Variants in GRB10 observed in about 807,000 individuals in gnomAD.
The protein encoded by GRB10 is growth factor receptor-bound protein 10.
In GRB10, 20 loss-of-function variants were observed where a neutral mutation model predicts 80.9. The observed-to-expected ratio is 0.25, with a 90% CI of 0.17 to 0.36. GRB10 has a LOEUF of 0.36. GRB10 is among the 10% of genes least tolerant of loss of function. The pLI, the probability that GRB10 is intolerant of heterozygous loss-of-function variation, is 1.00. For synonymous variants in GRB10, 291 were observed against 291.5 expected (o/e 1.00, Z 0.02); for missense variants, 548 against 747.7 (o/e 0.73, Z 3.12).
chr7:50,750,904 C>T lies in GRB10; in HGVS notation c.-47+4983G>A, dbSNP rs572113652. On this transcript the variant is annotated intron_variant, in intron 3 of 18. Coordinates refer to ENST00000401949, the MANE Select transcript of GRB10 (RefSeq NM_001350814.2). ...GGGCCCTTCCAAATCACAGCCTGGG[C>T]TGTCTGAGGACAGCTCTCCCAGGAA... 2.0e-5 allele frequency among the ~76,000 whole-genome samples: 3 copies of T among 152,332 alleles called. No homozygotes were observed. The South Asian group carries it at 6.2e-4, about 32-fold the overall frequency.
At chr7:50,793,404 G>C (rs1475438345) in exon 1 of GRB10, 1 of 148,466 alleles carries the variant, frequency 6.7e-6, no homozygotes, top group Admixed American at 6.7e-5. Context: ...CCGGGTCTCC[G>C]AGCGCCGAGC....
At chr7:50,612,926 C>G in intron 12 of GRB10, 87 bp from the exon 13 acceptor site, 1 of 809,794 alleles carries the variant, frequency 1.2e-6, no homozygotes, top group Non-Finnish European at 2.1e-6. Context: ...CTGACACAAA[C>G]CAGAGACAAC....
intron 5 of GRB10, among the ~76,000 whole-genome samples, 176 bp downstream of exon 5, chr7:50,703,645 A>G (rs1047518446): frequency 6.6e-6 from 1 of 152,252 alleles, no homozygotes; most frequent in Non-Finnish European, 1.5e-5. Context: ...ATACATGAAG[A>G]TATCAGAACC....
At position 50,669,731 on chromosome 7, in the gene GRB10, G is replaced by T; in HGVS notation, c.495C>A (p.Ala165=). The T allele has an allele frequency of 6.2e-7, 1 of 1,613,104 alleles. No homozygotes were observed. The highest frequency in any genetic ancestry group is 1.1e-5 in the South Asian group (1 of 91,052). ...CCAGGGGCACACTCACCTGCTTTGC[G>T]GCGGCCTGGCTCGGAGGTAAAGAAC... ...TPGSLPPSQA[A]AKQDVKVFSE... is the part of the protein sequence containing the mutation. The change falls in exon 7 of 19, where the codon GCC becomes GCA. Residue 165 remains alanine, a synonymous_variant. Transcript: ENST00000401949.
Position 50,732,365 on chromosome 7 carries a change from G to A in GRB10, c.-43C>T. The stretch of plus-strand genomic sequence containing the variant: ...TTCAAATTACATTTACTGCGCTGCA[G>A]CACCTGGAATAAAGACAGACTGTGA... On this transcript the variant is annotated 5_prime_UTR_variant, in exon 4 of 19. Coordinates refer to ENST00000401949, the MANE Select transcript of GRB10 (RefSeq NM_001350814.2). 6.4e-7 allele frequency: 1 copy of A among 1,557,062 alleles called. No homozygotes were observed.
intron 2 of GRB10, among the ~76,000 whole-genome samples, chr7:50,760,400 C>T (rs145165746): frequency 6.6e-6 from 1 of 152,202 alleles, no homozygotes; most frequent in East Asian, 1.9e-4. Context: ...CGCTAAGTTC[C>T]TAAATGGAAA....
chr7:50,720,325 G>A (rs2067513353), intron 4 of GRB10, among the ~76,000 whole-genome samples: 1 of 152,238 alleles, frequency 6.6e-6, no homozygotes, highest in South Asian at 2.1e-4. Context: ...GTTTCGCAGA[G>A]TCTGCTTGAA....
At chr7:50,688,700 GT>G (rs1422126248) in intron 5 of GRB10, among the ~76,000 whole-genome samples, 2 of 134,846 alleles carry the variant, frequency 1.5e-5, no homozygotes, top group Non-Finnish European at 3.1e-5. Context: ...TTCCCAGACT[GT>G]TTAAAAAAAA....
chr7:50,788,049 C>G (rs1198502997), intron 1 of GRB10, among the ~76,000 whole-genome samples: 1 of 151,990 alleles, frequency 6.6e-6, no homozygotes, highest in African/African-American at 2.4e-5. Flanking sequence ...GCACCAGGCA[C>G]TGTCCCTGGG....
intron 5 of GRB10, among the ~76,000 whole-genome samples, chr7:50,683,393 T>C (rs10248619): frequency 0.72 from 109,663 of 152,128 alleles, 40,598 homozygotes; most frequent in East Asian, 0.91. Context: ...GTGGTGAAGG[T>C]TGTGCAACCA....
At chr7:50,637,507 C>A (rs950396098) in intron 7 of GRB10, among the ~76,000 whole-genome samples, 1 of 151,916 alleles carries the variant, frequency 6.6e-6, no homozygotes, top group Non-Finnish European at 1.5e-5. Context: ...TGAAAGATTG[C>A]CACAAGGAAA....
At chr7:50,643,202 G>A (rs540066221) in intron 7 of GRB10, among the ~76,000 whole-genome samples, 1 of 152,280 alleles carries the variant, frequency 6.6e-6, no homozygotes, top group South Asian at 2.1e-4. Context: ...GACTGAGTAT[G>A]AGCGGATTAG....
chr7:50,742,620 G>GAA (rs1243130836), intron 3 of GRB10, among the ~76,000 whole-genome samples: 9 of 152,004 alleles, frequency 5.9e-5, no homozygotes, highest in Non-Finnish European at 1.2e-4. Context: ...TGATTCTACT[G>GAA]CTGACATAGT....
Position 50,760,223 on chromosome 7 carries a change from A to T in GRB10, c.-216-4167T>A, listed in dbSNP as rs117330631. On this transcript the variant is annotated intron_variant, in intron 2 of 18. Coordinates refer to ENST00000401949, the MANE Select transcript of GRB10 (RefSeq NM_001350814.2). Reference sequence around the variant, plus strand: ...AGGCAGGATAAATATACATGCACACATGCACAGAACAGCGACTGAGCAGAA... The same window carrying T: ...AGGCAGGATAAATATACATGCACACTTGCACAGAACAGCGACTGAGCAGAA... Among the ~76,000 whole-genome samples, 788 of 152,356 alleles carry T rather than the reference A, an allele frequency of 5.2e-3. 1 individual carries two copies. The highest frequency in any genetic ancestry group is 9.3e-3 in the Non-Finnish European group (635 of 68,038).
rs572680623 is a variant in GRB10 at position 50,646,644 on chromosome 7, G to A, written c.505-19666C>T. Among the ~76,000 whole-genome samples the A allele has an allele frequency of 7.4e-4, 113 of 152,222 alleles. 1 individual carries two copies. Among genetic ancestry groups the A allele is most frequent in the Middle Eastern group, 3.4e-3 (1 of 294 alleles). On this transcript the variant is annotated intron_variant, in intron 7 of 18. Transcript: ENST00000401949. ...AATCCTGTTTGTAGTGCTAGATTCC[G>A]CAAATTGTCACGCCCTGACTGAATG...
chr7:50,667,061 A>AG (rs11405386), intron 7 of GRB10, among the ~76,000 whole-genome samples: 3 of 150,182 alleles, frequency 2.0e-5, no homozygotes, highest in Non-Finnish European at 3.0e-5. Flanking sequence ...AAAAAAAAAA[A>AG]GGAGAGAGGC....
At chr7:50,779,102 TTAAG>T (rs1232049133) in intron 2 of GRB10, 3 of 152,208 alleles carry the variant, frequency 2.0e-5, no homozygotes, top group Non-Finnish European at 4.4e-5. Context: ...AATTCTTAGA[TTAAG>T]TAATAGCATT....
rs764230751 is a variant in GRB10 at position 50,605,423 on chromosome 7, G to T, written c.1273-17C>A. 6.3e-7 allele frequency: 1 copy of T among 1,589,660 alleles called. No homozygotes were observed. Among genetic ancestry groups the T allele is most frequent in the Non-Finnish European group, 8.6e-7 (1 of 1,157,546 alleles). On this transcript the variant is annotated splice_polypyrimidine_tract_variant and intron_variant, in intron 14 of 18. Coordinates refer to ENST00000401949, the MANE Select transcript of GRB10 (RefSeq NM_001350814.2). ...GACACTGCGCTGAAAAGGAAAGGCCGCAGTTCTTAAAATGCAGGGAAATAA... is the reference window on the plus strand; with the variant it reads ...GACACTGCGCTGAAAAGGAAAGGCCTCAGTTCTTAAAATGCAGGGAAATAA...
chr7:50,605,283 G>A lies in GRB10; in HGVS notation c.1389+7C>T. On this transcript the variant is annotated splice_region_variant and intron_variant, in intron 15 of 18. Transcript: ENST00000401949. ...CCCCTCCAGGCTGGCCAGGGCCGGG[G>A]CCTTACCCTCCAGGCGTGGCCCTCC... 1 of 1,605,988 alleles carries A rather than the reference G, an allele frequency of 6.2e-7. No homozygotes were observed. Among genetic ancestry groups the A allele is most frequent in the Non-Finnish European group, 8.5e-7 (1 of 1,173,714 alleles).
Sources: gnomAD v4.1 joint callset for allele counts (sites outside exome capture counted in the v4.1 genomes callset) on GRCh38, gnomAD v4.1.1 for gene constraint, MANE v1.5 for transcripts, NCBI Gene and HGNC (gene_info 2026-07-23, HGNC 2026-07-21) for gene names.